GALNT13: variants seen among roughly 807,000 people sequenced by gnomAD.
GALNT13 encodes the protein polypeptide N-acetylgalactosaminyltransferase 13, also known as UDP-GalNAc:polypeptide N-acetylgalactosaminyltransferase 13.
A neutral mutation model predicts 64.2 loss-of-function variants in GALNT13; 28 were observed. The observed-to-expected ratio is 0.44, with a 90% CI of 0.32 to 0.60. GALNT13 has a LOEUF of 0.60. GALNT13 is among the 20% of genes least tolerant of loss of function. The probability of loss-of-function intolerance (pLI) is 0.05; values close to 1 mark genes in which losing one functional copy is unlikely to be tolerated. For missense variants in GALNT13, 577 were observed against 669.8 expected (o/e 0.86, Z 1.53); for synonymous variants, 214 against 224.6 (o/e 0.95, Z 0.42).
the GALNT13 span, among the ~76,000 whole-genome samples, chr2:153,202,559 C>A: frequency 6.6e-6 from 1 of 152,170 alleles, no homozygotes; most frequent in Non-Finnish European, 1.5e-5. Context: ...GAAACCTGGC[C>A]TCAGTCCTGA....
the GALNT13 span, among the ~76,000 whole-genome samples, chr2:153,672,246 T>C: frequency 6.6e-6 from 1 of 152,166 alleles, no homozygotes. Context: ...CAGTAGAATA[T>C]ACATTCTTCT....
the GALNT13 span, among the ~76,000 whole-genome samples, chr2:153,458,240 G>GT: frequency 0.076 from 11,432 of 151,052 alleles, 497 homozygotes; most frequent in South Asian, 0.15. Flanking sequence ...AAAATCAGTA[G>GT]TTTTTTTTTG....
the GALNT13 span, among the ~76,000 whole-genome samples, chr2:153,791,399 C>T: frequency 0.24 from 35,791 of 151,784 alleles, 4,518 homozygotes; most frequent in Non-Finnish European, 0.28. Flanking sequence ...TAGTTTTGCA[C>T]CAACCTAATA....
the GALNT13 span, among the ~76,000 whole-genome samples, chr2:153,374,237 C>T: frequency 6.6e-6 from 1 of 152,166 alleles, no homozygotes; most frequent in Non-Finnish European, 1.5e-5. Flanking sequence ...CCTATTTCTT[C>T]ACATTCTTGC....
At chr2:153,469,386 TC>T in the GALNT13 span, among the ~76,000 whole-genome samples, 1 of 151,964 alleles carries the variant, frequency 6.6e-6, no homozygotes, top group Non-Finnish European at 1.5e-5. Context: ...AGCAACCCCA[TC>T]CCCTCACCTG....
the GALNT13 span, among the ~76,000 whole-genome samples, chr2:153,757,723 C>A: frequency 6.6e-6 from 1 of 152,056 alleles, no homozygotes; most frequent in African/African-American, 2.4e-5. Context: ...TGCATTTCCC[C>A]AATGATTAGA....
the GALNT13 span, among the ~76,000 whole-genome samples, chr2:153,795,934 A>C: frequency 6.6e-6 from 1 of 152,146 alleles, no homozygotes; most frequent in African/African-American, 2.4e-5. Context: ...GTTCTCTTAG[A>C]ATTAGTACAT....
At chr2:153,760,426 G>C in the GALNT13 span, among the ~76,000 whole-genome samples, 1 of 151,632 alleles carries the variant, frequency 6.6e-6, no homozygotes, top group Non-Finnish European at 1.5e-5. Flanking sequence ...ATAAGTTTTG[G>C]TATGTTGTGC....
chr2:153,701,456 T>C, the GALNT13 span, among the ~76,000 whole-genome samples: 1 of 152,060 alleles, frequency 6.6e-6, no homozygotes, highest in African/African-American at 2.4e-5. Context: ...ATGATGAAAA[T>C]GCCAAAGCAG....
chr2:154,077,594 A>G (rs924424847), intron 3 of GALNT13, among the ~76,000 whole-genome samples: 14 of 151,552 alleles, frequency 9.2e-5, no homozygotes, highest in Non-Finnish European at 2.1e-4. Context: ...GATTGGTCAA[A>G]TGAGCATTCT....
chr2:153,233,186 C>T, the GALNT13 span, among the ~76,000 whole-genome samples: 2 of 152,116 alleles, frequency 1.3e-5, no homozygotes, highest in South Asian at 4.1e-4. Flanking sequence ...ATTTTGCCTT[C>T]CTTGAAAAAT....
chr2:153,577,941 C>T, the GALNT13 span, among the ~76,000 whole-genome samples: 1 of 151,220 alleles, frequency 6.6e-6, no homozygotes, highest in Non-Finnish European at 1.5e-5. Flanking sequence ...GGTAGTCACA[C>T]ACAAACACAT....
intron 9 of GALNT13, among the ~76,000 whole-genome samples, chr2:154,310,773 T>C (rs1262667464): frequency 2.0e-5 from 3 of 152,092 alleles, no homozygotes; most frequent in Admixed American, 6.6e-5. Context: ...CTGACTCTAC[T>C]TAATCTCTCT....
the GALNT13 span, among the ~76,000 whole-genome samples, chr2:153,215,548 C>G: frequency 0.3 from 44,888 of 151,924 alleles, 6,795 homozygotes; most frequent in Middle Eastern, 0.42. Flanking sequence ...CTTACTTGAT[C>G]GTGGATGAAA....
the GALNT13 span, among the ~76,000 whole-genome samples, chr2:153,083,600 G>C: frequency 6.6e-6 from 1 of 151,200 alleles, no homozygotes; most frequent in East Asian, 1.9e-4. Flanking sequence ...TTTTTTTCAT[G>C]CTGCTTTGTT....
At chr2:153,444,092 C>A in the GALNT13 span, among the ~76,000 whole-genome samples, 5,123 of 152,196 alleles carry the variant, frequency 0.034, 301 homozygotes, top group African/African-American at 0.12. Flanking sequence ...GTCCATCTGT[C>A]CATTCATCCA....
intron 9 of GALNT13, among the ~76,000 whole-genome samples, chr2:154,322,283 A>G (rs1187492072): frequency 6.6e-6 from 1 of 151,382 alleles, no homozygotes; most frequent in Non-Finnish European, 1.5e-5. Flanking sequence ...TATTCTTATG[A>G]AATAACTAGC....
chr2:154,008,943 G>T (rs995268526), intron 3 of GALNT13, among the ~76,000 whole-genome samples: 1 of 152,090 alleles, frequency 6.6e-6, no homozygotes, highest in Non-Finnish European at 1.5e-5. Flanking sequence ...ATTATTTTGG[G>T]GGAGTATATA....
intron 4 of GALNT13, among the ~76,000 whole-genome samples, chr2:154,224,760 C>T (rs1272680886): frequency 6.6e-6 from 1 of 152,004 alleles, no homozygotes; most frequent in Admixed American, 6.6e-5. Flanking sequence ...AAAGAATAAG[C>T]TGCACATAAA....
Sources: allele counts gnomAD v4.1 joint callset (sites outside exome capture counted in the v4.1 genomes callset), GRCh38; gene constraint gnomAD v4.1.1; transcripts MANE v1.5; gene names NCBI Gene and HGNC (gene_info 2026-07-23, HGNC 2026-07-21).